The following NAALAD2 variants were observed in gnomAD, a reference collection of about 807,000 sequenced individuals.
The protein encoded by NAALAD2 is N-acetylated alpha-linked acidic dipeptidase 2.
Under a neutral mutation model 95.6 loss-of-function variants are expected in NAALAD2, and 89 were observed. The observed-to-expected ratio is 0.93, with a 90% confidence interval of 0.78 to 1.11. The LOEUF is 1.11. NAALAD2 is among the 50% of genes least tolerant of loss of function. The probability of loss-of-function intolerance (pLI) is 0.00; values close to 1 mark genes in which losing one functional copy is unlikely to be tolerated. For missense variants in NAALAD2, 894 were observed against 872.4 expected, an observed-to-expected ratio of 1.02 and a Z score of -0.31; for synonymous variants, 264 against 294.4, an observed-to-expected ratio of 0.90 and a Z score of 1.06.
At chr11:90,173,301 A>G (rs1195707514) in intron 13 of NAALAD2, among the ~76,000 whole-genome samples, 2 of 152,208 alleles carry the variant, frequency 1.3e-5, no homozygotes, top group Non-Finnish European at 2.9e-5. Context: ...AAGACTGTCT[A>G]AAAGAATAGT....
chr11:90,188,627 A>T (rs1451232342), intron 18 of NAALAD2, among the ~76,000 whole-genome samples: 1 of 152,180 alleles, frequency 6.6e-6, no homozygotes, highest in Non-Finnish European at 1.5e-5. Flanking sequence ...TAAGGGCTCT[A>T]ATCCCTTAAT....
At position 90,173,871 on chromosome 11, in the gene NAALAD2, C is replaced by T. The variant is rs201940664; in HGVS notation, c.1458C>T (p.Ser486=). 3.3e-5 allele frequency: 54 copies of T among 1,612,798 alleles called. No homozygotes were observed. The South Asian group carries it at 5.4e-4, about 16-fold the overall frequency. ...DGFESKSLYE[S]WLEKDPSPEN... is the part of the protein sequence containing the mutation. ...TTGAGAGTAAATCACTGTATGAAAG[C>T]TGGTTGGAAAAAGACCCTTCACCTG... Residue 486 remains serine, a synonymous_variant, in exon 14 of 19, where the codon AGC becomes AGT. Transcript: ENST00000534061.
In NAALAD2 at chr11:90,147,499, G is replaced by A. The variant is rs758943780; in HGVS notation, c.364G>A (p.Asp122Asn). 1.9e-6 allele frequency: 3 copies of A among 1,607,210 alleles called. No individual in the cohort carries two copies. The highest frequency in any genetic ancestry group is 2.5e-6 in the Non-Finnish European group (3 of 1,177,050). ...AAATGCCAACTATATATCGATTGTG[G>A]ATGAACATGAAACTGAGGTATGTGA... The part of the protein sequence containing the change: ...ETNANYISIV[D>N]EHETEIFKTS... The change falls in exon 3 of 19, where the codon GAT becomes AAT. Residue 122 changes from aspartate (D) to asparagine (N), a missense_variant. Asp to Asn is a conservative substitution (Grantham distance 23). Coordinates refer to ENST00000534061, the MANE Select transcript of NAALAD2 (RefSeq NM_005467.4).
chr11:90,152,338 T>G lies in NAALAD2; in HGVS notation c.650T>G (p.Leu217Trp). 4 of 1,612,448 alleles carry G rather than the reference T, an allele frequency of 2.5e-6. No individual in the cohort carries two copies. Among genetic ancestry groups the G allele is most frequent in the Non-Finnish European group, 3.4e-6 (4 of 1,178,720 alleles). Residue 217 changes from leucine (L) to tryptophan (W), a missense_variant, in exon 6 of 19, where the codon TTG (leucine) becomes TGG (tryptophan). By Grantham distance (61) the Leu-to-Trp change is moderately conservative (BLOSUM62 -2). Transcript: ENST00000534061. ...AMLAGAIGII[L>W]YSDPADYFAP... ...TTAGCAGGAGCCATAGGAATCATCT[T>G]GTACTCAGATCCAGCTGACTACTTT...
At chr11:90,177,712 CA>C in intron 15 of NAALAD2, 140 bp from the exon 16 acceptor site, 1 of 718,052 alleles carries the variant, frequency 1.4e-6, no homozygotes, top group Non-Finnish European at 2.0e-6. Flanking sequence ...CTTGGCTTCC[CA>C]AAGTGCTAGG....
At chr11:90,166,923 G>A (rs983423006) in intron 11 of NAALAD2, among the ~76,000 whole-genome samples, 4 of 152,148 alleles carry the variant, frequency 2.6e-5, no homozygotes, top group African/African-American at 9.7e-5. Context: ...GCTGAGACAG[G>A]TGGATCACCT....
intron 15 of NAALAD2, 36 bp downstream of exon 15, chr11:90,176,098 C>A (rs773318618): frequency 2.0e-6 from 3 of 1,496,318 alleles, no homozygotes; most frequent in East Asian, 2.3e-5. Flanking sequence ...TATAACATTT[C>A]ATCTACAGTC....
rs990211294 is a variant in NAALAD2, at chr11:90,158,193, T to C, written c.845T>C (p.Ile282Thr). 3 of 1,611,210 alleles carry C rather than the reference T, an allele frequency of 1.9e-6. No homozygotes were observed. In the African/African-American group the frequency reaches 4.0e-5, roughly 22 times the overall value. The change falls in exon 7 of 19, where the codon ATA (isoleucine) becomes ACA (threonine). Residue 282 changes from isoleucine (I) to threonine (T), a missense_variant. Transcript: ENST00000534061. Reference sequence around the variant, plus strand: ...GAAGAAGGAGTGGGAATCCCCCGAATACCTGTACATCCCATTGGATATAAT... The same window carrying C: ...GAAGAAGGAGTGGGAATCCCCCGAACACCTGTACATCCCATTGGATATAAT... ...DVEEGVGIPRIPVHPIGYNDA... is the reference protein window; with the variant it reads ...DVEEGVGIPRTPVHPIGYNDA...
intron 2 of NAALAD2, among the ~76,000 whole-genome samples, chr11:90,146,094 G>A (rs1441514090): frequency 6.6e-6 from 1 of 151,956 alleles, no homozygotes; most frequent in African/African-American, 2.4e-5. Context: ...GTAAAATTAT[G>A]AGTAGATTAT....
chr11:90,144,838 G>T (rs1463610076), intron 2 of NAALAD2, among the ~76,000 whole-genome samples: 1 of 151,902 alleles, frequency 6.6e-6, no homozygotes, highest in Non-Finnish European at 1.5e-5. Context: ...CAGAGCTAAA[G>T]GGTTAATGAA....
chr11:90,185,241 A>G lies in NAALAD2; in HGVS notation c.2033+2233A>G, dbSNP rs1294337074. Among the ~76,000 whole-genome samples, 3 of 152,054 alleles carry G rather than the reference A, an allele frequency of 2.0e-5. No homozygotes were observed. In the East Asian group the frequency reaches 5.8e-4, roughly 29 times the overall value. On this transcript the variant is annotated intron_variant, in intron 18 of 18. Transcript: ENST00000534061. Reference sequence around the variant, plus strand: ...CAATATATAAACAATTTTTATTTACATAAACATCTATATTTAACATATTAT... The same window carrying G: ...CAATATATAAACAATTTTTATTTACGTAAACATCTATATTTAACATATTAT...
At chr11:90,165,421 T>TA (rs1952413671) in intron 11 of NAALAD2, among the ~76,000 whole-genome samples, 1 of 152,226 alleles carries the variant, frequency 6.6e-6, no homozygotes, top group Non-Finnish European at 1.5e-5. Flanking sequence ...CTAGTTATCA[T>TA]TTATAAGTCC....
At chr11:90,172,616 G>C (rs1342452648) in intron 13 of NAALAD2, among the ~76,000 whole-genome samples, 4 of 152,018 alleles carry the variant, frequency 2.6e-5, no homozygotes, top group Non-Finnish European at 5.9e-5. Context: ...TCTCTTTATA[G>C]CACTTTGATA....
chr11:90,179,094 T>C (rs997733864), intron 16 of NAALAD2, among the ~76,000 whole-genome samples: 1 of 152,260 alleles, frequency 6.6e-6, no homozygotes, highest in Non-Finnish European at 1.5e-5. Flanking sequence ...GAACATATCA[T>C]GTTTCAAAGA....
chr11:90,162,834 G>C (rs990305986), intron 8 of NAALAD2, 115 bp from the exon 9 acceptor site: 4 of 577,158 alleles, frequency 6.9e-6, no homozygotes, highest in Non-Finnish European at 9.1e-6. Context: ...AATCCATTAT[G>C]CTATTGCACA....
At chr11:90,135,107 C>T (rs185495807) in intron 1 of NAALAD2, 799 of 418,458 alleles carry the variant, frequency 1.9e-3, no homozygotes, top group Middle Eastern at 7.2e-3. Context: ...TCACTGTCTG[C>T]AGGGATGAAA....
At chr11:90,160,144 G>A (rs980179448) in intron 8 of NAALAD2, among the ~76,000 whole-genome samples, 2 of 152,048 alleles carry the variant, frequency 1.3e-5, no homozygotes, top group African/African-American at 4.8e-5. Context: ...ATTAATACAT[G>A]ATAATACTCT....
At chr11:90,155,934 TGA>T (rs1232686550) in intron 6 of NAALAD2, among the ~76,000 whole-genome samples, 3 of 144,996 alleles carry the variant, frequency 2.1e-5, no homozygotes, top group African/African-American at 7.6e-5. Flanking sequence ...AATGTATATG[TGA>T]TCTATTTATT....
At chr11:90,148,036 A>G (rs1951790885) in intron 3 of NAALAD2, among the ~76,000 whole-genome samples, 1 of 152,204 alleles carries the variant, frequency 6.6e-6, no homozygotes, top group African/African-American at 2.4e-5. Context: ...AAACCAGTAA[A>G]TATGTTCTGG....
Sources: gnomAD v4.1 joint callset for allele counts (sites outside exome capture counted in the v4.1 genomes callset) on GRCh38, gnomAD v4.1.1 for gene constraint, MANE v1.5 for transcripts, NCBI Gene and HGNC (gene_info 2026-07-23, HGNC 2026-07-21) for gene names.